Variants in TRAPPC9 observed in about 807,000 individuals in gnomAD.
TRAPPC9 encodes IKK2 binding protein.
A neutral mutation model predicts 124.0 loss-of-function variants in TRAPPC9; 83 were observed. That is an observed-to-expected ratio of 0.67 (90% CI 0.56 to 0.80). TRAPPC9 has a LOEUF of 0.80. Ranked by LOEUF, TRAPPC9 falls within the 30% of genes least tolerant of loss-of-function variation. The probability of loss-of-function intolerance (pLI) is 0.00; values close to 1 mark genes in which losing one functional copy is unlikely to be tolerated. For missense variants in TRAPPC9, 1,302 were observed against 1,508.3 expected, an observed-to-expected ratio of 0.86 and a Z score of 2.27; for synonymous variants, 638 against 617.5, an observed-to-expected ratio of 1.03 and a Z score of -0.49.
At chr8:140,007,160 G>A (rs548611543) in intron 18 of TRAPPC9, among the ~76,000 whole-genome samples, 1 of 152,188 alleles carries the variant, frequency 6.6e-6, no homozygotes, top group Non-Finnish European at 1.5e-5. Flanking sequence ...TGAACAAACA[G>A]TTGAAACTTT....
intron 2 of TRAPPC9, among the ~76,000 whole-genome samples, chr8:140,441,456 A>G (rs2132642513): frequency 6.6e-6 from 1 of 152,364 alleles, no homozygotes; most frequent in South Asian, 2.1e-4. Flanking sequence ...TATATTTTAA[A>G]TTAGACTTTA....
intron 5 of TRAPPC9, among the ~76,000 whole-genome samples, chr8:140,419,300 G>A (rs1349319120): frequency 6.6e-6 from 1 of 151,240 alleles, no homozygotes; most frequent in Non-Finnish European, 1.5e-5. Flanking sequence ...GTGGTGGCGG[G>A]CACCTGTAGT....
chr8:140,071,348 G>A (rs1843150239), intron 17 of TRAPPC9, among the ~76,000 whole-genome samples: 1 of 152,184 alleles, frequency 6.6e-6, no homozygotes, highest in African/African-American at 2.4e-5. Flanking sequence ...CTCAGTCCCT[G>A]GCCCTAAAAG....
At chr8:140,154,599 T>G (rs2061598966) in intron 17 of TRAPPC9, among the ~76,000 whole-genome samples, 1 of 152,214 alleles carries the variant, frequency 6.6e-6, no homozygotes. Context: ...TCTCCCTCTC[T>G]TCCTTTCAAC....
chr8:139,832,817 G>A (rs1411408215), intron 21 of TRAPPC9, among the ~76,000 whole-genome samples: 1 of 152,118 alleles, frequency 6.6e-6, no homozygotes, highest in African/African-American at 2.4e-5. Context: ...CCTCGCCCTT[G>A]GATAGCGTCC....
rs1042747522 is a variant in TRAPPC9, at chr8:139,788,591, G to A, written c.3056-56389C>T. ...GCATGGAGGTCCGTGGCCACTCCACGACAGCCCATGAAGAACGGTACCCAC... is the reference window on the plus strand; with the variant it reads ...GCATGGAGGTCCGTGGCCACTCCACAACAGCCCATGAAGAACGGTACCCAC... On this transcript the variant is annotated intron_variant, in intron 21 of 22. Transcript: ENST00000438773. This position sits in a 1 kb window ranked among gnomAD's most constrained non-coding sequence, Gnocchi z 4.9. Among the ~76,000 whole-genome samples the A allele has an allele frequency of 3.3e-5, 5 of 152,190 alleles. No homozygotes were observed. The highest frequency in any genetic ancestry group is 7.2e-5 in the African/African-American group (3 of 41,466).
At position 139,862,850 on chromosome 8, in the gene TRAPPC9, G is replaced by A. The variant is rs147887970; in HGVS notation, c.3055+23029C>T. Reference sequence around the variant, plus strand: ...GGGCACTGCATTCCCCCTGGGTGCCGTGTCCTTCCCACAGCCTAGGTCATT... The same window carrying A: ...GGGCACTGCATTCCCCCTGGGTGCCATGTCCTTCCCACAGCCTAGGTCATT... On this transcript the variant is annotated intron_variant, in intron 21 of 22. Coordinates refer to ENST00000438773, the MANE Select transcript of TRAPPC9 (RefSeq NM_001160372.4). Among the ~76,000 whole-genome samples, 884 of 152,334 alleles carry A rather than the reference G, an allele frequency of 5.8e-3. 10 individuals are homozygous for A. The highest frequency in any genetic ancestry group is 0.02 in the African/African-American group (836 of 41,568).
chr8:140,350,299 T>A (rs929176430), intron 9 of TRAPPC9, among the ~76,000 whole-genome samples: 22 of 152,292 alleles, frequency 1.4e-4, no homozygotes, highest in African/African-American at 5.1e-4. Context: ...TCAAGGTGAC[T>A]TTGATAGAGA....
intron 17 of TRAPPC9, among the ~76,000 whole-genome samples, chr8:140,132,001 AC>A (rs1465319857): frequency 6.6e-6 from 1 of 152,030 alleles, no homozygotes; most frequent in African/African-American, 2.4e-5. Flanking sequence ...GACATCTCTC[AC>A]CCCTTCAGCC....
intron 10 of TRAPPC9, among the ~76,000 whole-genome samples, chr8:140,305,131 G>C (rs1189647105): frequency 6.6e-6 from 1 of 152,146 alleles, no homozygotes; most frequent in Non-Finnish European, 1.5e-5. Flanking sequence ...TTGAGAGGGG[G>C]GCTCTTGTAG....
chr8:140,449,436 A>G (rs1490953829), intron 2 of TRAPPC9, among the ~76,000 whole-genome samples: 1 of 152,246 alleles, frequency 6.6e-6, no homozygotes, highest in African/African-American at 2.4e-5. Context: ...CCAGCTCTGC[A>G]GAACAGCCAC....
chr8:139,961,955 G>A (rs1296185789), intron 19 of TRAPPC9, among the ~76,000 whole-genome samples: 5 of 124,182 alleles, frequency 4.0e-5, no homozygotes, highest in African/African-American at 1.3e-4. Context: ...GATAGCTGGA[G>A]ATGATGGGAC....
chr8:139,828,564 C>G (rs934109984), intron 21 of TRAPPC9, among the ~76,000 whole-genome samples: 1 of 152,174 alleles, frequency 6.6e-6, no homozygotes, highest in Admixed American at 6.5e-5. Context: ...GAAGGAACAT[C>G]CTGAGATTTC....
At chr8:140,272,516 G>A (rs1204926732) in intron 15 of TRAPPC9, among the ~76,000 whole-genome samples, 1 of 150,540 alleles carries the variant, frequency 6.6e-6, no homozygotes. Context: ...TGTGGTGGCA[G>A]TAGTGGCAAA....
intron 19 of TRAPPC9, among the ~76,000 whole-genome samples, chr8:139,959,138 G>A (rs1835212256): frequency 6.6e-6 from 1 of 152,226 alleles, no homozygotes; most frequent in Admixed American, 6.5e-5. Flanking sequence ...CTCCCAGCTT[G>A]GCCACTTTCT....
chr8:140,252,694 C>T lies in TRAPPC9; in HGVS notation c.2431+83G>A, dbSNP rs1405425577. The T allele has an allele frequency of 2.6e-6, 4 of 1,531,624 alleles. No homozygotes were observed. The Admixed American group carries it at 6.7e-5, about 26-fold the overall frequency. The allele number at this position is 1,531,624 out of a possible 1,614,324, so 94.9% of individuals were successfully genotyped here. A position where few individuals can be genotyped will look rare whatever the true frequency, so the allele number is the denominator to read the frequency against. ...TGAATGACAAGTGAGTTACAAACAGCAAACAGCAGGCATCAAGGGATGGGG... is the reference window on the plus strand; with the variant it reads ...TGAATGACAAGTGAGTTACAAACAGTAAACAGCAGGCATCAAGGGATGGGG... On this transcript the variant is annotated intron_variant, in intron 16 of 22. Transcript: ENST00000438773. This position sits in a 1 kb window ranked among gnomAD's most constrained non-coding sequence, Gnocchi z 4.2.
intron 17 of TRAPPC9, among the ~76,000 whole-genome samples, chr8:140,159,058 C>T (rs1165437772): frequency 6.6e-6 from 1 of 152,198 alleles, no homozygotes; most frequent in Non-Finnish European, 1.5e-5. Flanking sequence ...CGGAAGTTCC[C>T]TGCCAGGGAC....
At chr8:139,756,717 A>G (rs1174543444) in intron 21 of TRAPPC9, among the ~76,000 whole-genome samples, 2 of 133,294 alleles carry the variant, frequency 1.5e-5, no homozygotes, top group African/African-American at 6.0e-5. Context: ...GGGGATGAGG[A>G]CAGCAGGTCG....
chr8:140,402,013 A>T (rs1469721868), intron 6 of TRAPPC9, among the ~76,000 whole-genome samples: 1 of 151,690 alleles, frequency 6.6e-6, no homozygotes, highest in African/African-American at 2.4e-5. Flanking sequence ...AAAAATTCTA[A>T]AATAATTTGT....
Sources: allele counts gnomAD v4.1 joint callset (sites outside exome capture counted in the v4.1 genomes callset), GRCh38; gene constraint gnomAD v4.1.1; non-coding constraint Gnocchi (gnomAD v3.1); transcripts MANE v1.5; gene names NCBI Gene and HGNC (gene_info 2026-07-23, HGNC 2026-07-21).